The following LAMA3 variants were observed in gnomAD, a reference collection of about 807,000 sequenced individuals.
The protein encoded by LAMA3 is laminin subunit alpha 3, also known as laminin subunit alpha-3.
LAMA3 carries 281 observed loss-of-function variants against 402.0 expected under a neutral mutation model. The observed-to-expected ratio is 0.70, with a 90% CI of 0.63 to 0.77. The LOEUF (loss-of-function observed/expected upper bound fraction) is 0.77. Ranked by LOEUF, LAMA3 falls within the 30% of genes least tolerant of loss-of-function variation. The probability of loss-of-function intolerance (pLI) is 0.00; values close to 1 mark genes in which losing one functional copy is unlikely to be tolerated. For missense variants in LAMA3, 3,840 were observed against 4,215.5 expected, an observed-to-expected ratio of 0.91 and a Z score of 2.47; for synonymous variants, 1,431 against 1,558.4, an observed-to-expected ratio of 0.92 and a Z score of 1.93.
chr18:23,920,845 A>AG, intron 60 of LAMA3, 90 bp from the exon 61 acceptor site: 6 of 1,487,474 alleles, frequency 4.0e-6, no homozygotes, highest in East Asian at 4.5e-5. Flanking sequence ...AGCTGAGAGC[A>AG]GGGGGGTCTG....
chr18:23,791,816 C>T (rs575907863), intron 12 of LAMA3, among the ~76,000 whole-genome samples: 15 of 150,736 alleles, frequency 1.0e-4, no homozygotes, highest in African/African-American at 3.2e-4. Context: ...TCATTAGAGT[C>T]ACACTTTCAA....
chr18:23,799,742 A>C (rs1490079523), intron 12 of LAMA3, among the ~76,000 whole-genome samples: 2 of 152,042 alleles, frequency 1.3e-5, no homozygotes, highest in Non-Finnish European at 2.9e-5. Flanking sequence ...ACGTATGGAG[A>C]GAGAGAGAGA....
chr18:23,947,642 T>C (rs891584536), intron 70 of LAMA3, among the ~76,000 whole-genome samples: 2 of 152,062 alleles, frequency 1.3e-5, no homozygotes, highest in African/African-American at 4.8e-5. Context: ...GGCAACAGAG[T>C]ATTACTTTGC....
Position 23,895,074 on chromosome 18 carries a change from C to T in LAMA3, c.5613+16C>T, listed in dbSNP as rs754721893. 1.0e-5 allele frequency: 16 copies of T among 1,577,884 alleles called. No individual in the cohort carries two copies. In the East Asian group the frequency reaches 3.5e-4, roughly 34 times the overall value. On this transcript the variant is annotated intron_variant, in intron 44 of 74. Coordinates refer to ENST00000313654, the MANE Select transcript of LAMA3 (RefSeq NM_198129.4). Reference sequence around the variant, plus strand: ...GGACCTGAGGGTAAATCCCCTGCGGCCGAGAGTAGACACGTGGGGAGGAGA... The same window carrying T: ...GGACCTGAGGGTAAATCCCCTGCGGTCGAGAGTAGACACGTGGGGAGGAGA...
chr18:23,865,895 A>G (rs942899056), intron 36 of LAMA3, among the ~76,000 whole-genome samples: 4 of 152,144 alleles, frequency 2.6e-5, no homozygotes, highest in Non-Finnish European at 5.9e-5. Context: ...GAAGGGTTTG[A>G]TGCTATAACA....
At chr18:23,753,915 A>G (rs767750448) in intron 6 of LAMA3, 103 bp downstream of exon 6, 2 of 790,328 alleles carry the variant, frequency 2.5e-6, no homozygotes, top group African/African-American at 1.7e-5. Flanking sequence ...CCTGTCCTCA[A>G]TAGGAATGAT....
chr18:23,862,101 T>G (rs547957665), intron 35 of LAMA3, among the ~76,000 whole-genome samples: 1 of 152,220 alleles, frequency 6.6e-6, no homozygotes, highest in Non-Finnish European at 1.5e-5. Flanking sequence ...GAAATAACCA[T>G]TTAAATACTA....
At position 23,879,568 on chromosome 18, in the gene LAMA3, G is replaced by A. The variant is rs1229132728; in HGVS notation, c.5113-2368G>A. On this transcript the variant is annotated intron_variant, in intron 39 of 74. Coordinates refer to ENST00000313654, the MANE Select transcript of LAMA3 (RefSeq NM_198129.4). The surrounding 1 kb of genome is among the most constrained non-coding windows in gnomAD (Gnocchi z 4.2). ...ACATCGCTAGAGCCTAGCATAGTTG[G>A]GCATATAGTAAATGCCTAATAGATA... Among the ~76,000 whole-genome samples, 1 of 152,176 alleles carries A rather than the reference G, an allele frequency of 6.6e-6. No individual in the cohort carries two copies. Among genetic ancestry groups the A allele is most frequent in the Non-Finnish European group, 1.5e-5 (1 of 68,050 alleles).
intron 60 of LAMA3, 85 bp downstream of exon 60, chr18:23,916,780 C>A: frequency 2.3e-6 from 3 of 1,310,502 alleles, no homozygotes; most frequent in South Asian, 2.4e-5. Context: ...TATAAATGAC[C>A]CACTAGATCT....
At chr18:23,713,599 C>T (rs1219766211) in intron 1 of LAMA3, among the ~76,000 whole-genome samples, 1 of 152,124 alleles carries the variant, frequency 6.6e-6, no homozygotes, top group East Asian at 1.9e-4. Context: ...CTCTTTTCAT[C>T]CCAAATACAA....
In LAMA3 at chr18:23,918,758, C is replaced by A. The variant is rs1356786620; in HGVS notation, c.7923+2063C>A. 6.6e-6 allele frequency among the ~76,000 whole-genome samples: 1 copy of A among 152,256 alleles called. No homozygotes were observed. The highest frequency in any genetic ancestry group is 2.1e-4 in the South Asian group (1 of 4,826). ...GTATTTCTGAAGAAATGTGGATGAG[C>A]CCAAAGGCTTTCTGGTGGTCCGAGA... On this transcript the variant is annotated intron_variant, in intron 60 of 74. Transcript: ENST00000313654. This position sits in a 1 kb window ranked among gnomAD's most constrained non-coding sequence, Gnocchi z 4.1.
intron 2 of LAMA3, among the ~76,000 whole-genome samples, chr18:23,736,562 G>C (rs1220764746): frequency 6.6e-6 from 1 of 151,892 alleles, no homozygotes; most frequent in African/African-American, 2.4e-5. Context: ...CAATAAAACT[G>C]TTACAAATTA....
intron 35 of LAMA3, 123 bp downstream of exon 35, chr18:23,861,930 G>A (rs1034101692): frequency 9.0e-7 from 1 of 1,114,754 alleles, no homozygotes; most frequent in Non-Finnish European, 1.3e-6. Flanking sequence ...TTCCAGAAAT[G>A]AGCTGAACTA....
At chr18:23,861,848 T>C in intron 35 of LAMA3, 41 bp downstream of exon 35, 1 of 1,571,250 alleles carries the variant, frequency 6.4e-7, no homozygotes, top group Non-Finnish European at 8.7e-7. Context: ...TCAGTGGGCC[T>C]CTGCTATTGC....
At chr18:23,811,241 C>G (rs1225418404) in intron 13 of LAMA3, among the ~76,000 whole-genome samples, 1 of 152,172 alleles carries the variant, frequency 6.6e-6, no homozygotes, top group Non-Finnish European at 1.5e-5. Context: ...GTGTGTGCAG[C>G]CAGAGAGCAG....
intron 12 of LAMA3, among the ~76,000 whole-genome samples, chr18:23,808,327 CATAA>C (rs555156608): frequency 2.2e-4 from 33 of 152,150 alleles, no homozygotes; most frequent in Admixed American, 4.6e-4. Flanking sequence ...GTAAATGCTA[CATAA>C]ATAGTTATAT....
chr18:23,884,977 G>T, intron 41 of LAMA3, 124 bp downstream of exon 41: 2 of 630,888 alleles, frequency 3.2e-6, no homozygotes, highest in Non-Finnish European at 2.8e-6. Flanking sequence ...CTGGAAAAAG[G>T]TCTCTTGGGA....
chr18:23,695,502 A>G (rs911287052), intron 1 of LAMA3, among the ~76,000 whole-genome samples: 2 of 152,128 alleles, frequency 1.3e-5, no homozygotes, highest in African/African-American at 2.4e-5. Context: ...AGGCTGAACA[A>G]ATATTTAGAG....
At chr18:23,820,940 A>T (rs549621631) in intron 19 of LAMA3, among the ~76,000 whole-genome samples, 1 of 152,276 alleles carries the variant, frequency 6.6e-6, no homozygotes, top group Non-Finnish European at 1.5e-5. Context: ...CCTTTCTGAA[A>T]TGGTACCTAG....
Sources: allele counts gnomAD v4.1 joint callset (sites outside exome capture counted in the v4.1 genomes callset), GRCh38; gene constraint gnomAD v4.1.1; non-coding constraint Gnocchi (gnomAD v3.1); transcripts MANE v1.5; gene names NCBI Gene and HGNC (gene_info 2026-07-23, HGNC 2026-07-21).